The following SNX24 variants were observed in gnomAD, a reference collection of about 807,000 sequenced individuals.
SNX24 encodes the protein sorting nexin-24.
Under a neutral mutation model 28.7 loss-of-function variants are expected in SNX24, and 22 were observed. The ratio of observed to expected loss-of-function variants is 0.77; its 90% CI spans 0.55 to 1.10. The LOEUF is 1.10. Among genes scored for constraint, SNX24 ranks in the 50% least tolerant of loss-of-function variants. The probability of loss-of-function intolerance (pLI) is 0.00; values close to 1 mark genes in which losing one functional copy is unlikely to be tolerated. For synonymous variants in SNX24, 69 were observed against 71.5 expected (o/e 0.96, Z 0.18); for missense variants, 221 against 201.1 (o/e 1.10, Z -0.60).
intron 1 of SNX24, among the ~76,000 whole-genome samples, chr5:122,896,384 C>G (rs2054298989): frequency 6.6e-6 from 1 of 152,116 alleles, no homozygotes; most frequent in South Asian, 2.1e-4. Flanking sequence ...TTCAATTTTG[C>G]CAACAGACAG....
chr5:123,001,378 G>GT (rs372646511), intron 4 of SNX24, 27 bp from the exon 5 acceptor site: 13 of 1,550,204 alleles, frequency 8.4e-6, no homozygotes, highest in African/African-American at 2.7e-5. Flanking sequence ...TGGTTTTTTT[G>GT]TTTTTTTCCT....
At chr5:122,919,447 G>A (rs1178478765) in intron 1 of SNX24, among the ~76,000 whole-genome samples, 3 of 152,170 alleles carry the variant, frequency 2.0e-5, no homozygotes, top group Non-Finnish European at 4.4e-5. Context: ...TTTAAAAAAA[G>A]TACAAAACTC....
chr5:122,998,875 G>C (rs1762142836), intron 3 of SNX24, among the ~76,000 whole-genome samples: 1 of 152,118 alleles, frequency 6.6e-6, no homozygotes, highest in Admixed American at 6.5e-5. Flanking sequence ...CAGTATTCCT[G>C]ATCAGTTGTG....
chr5:122,855,489 G>A (rs998345454), intron 1 of SNX24, among the ~76,000 whole-genome samples: 1 of 152,138 alleles, frequency 6.6e-6, no homozygotes, highest in Admixed American at 6.5e-5. Context: ...TTCCAAAATT[G>A]GTTTCAGGTG....
chr5:122,947,394 A>C (rs1759733352), intron 3 of SNX24, among the ~76,000 whole-genome samples: 1 of 152,172 alleles, frequency 6.6e-6, no homozygotes, highest in Non-Finnish European at 1.5e-5. Context: ...CTCAGTAGAA[A>C]GATGCCAGAA....
chr5:122,962,078 C>T (rs1006733601), intron 3 of SNX24, among the ~76,000 whole-genome samples: 2 of 152,136 alleles, frequency 1.3e-5, no homozygotes, highest in Non-Finnish European at 2.9e-5. Context: ...CTTAGAACAA[C>T]GTATGGCATT....
chr5:122,894,575 G>C (rs918828886), intron 1 of SNX24, among the ~76,000 whole-genome samples: 3 of 152,082 alleles, frequency 2.0e-5, no homozygotes, highest in African/African-American at 7.2e-5. Flanking sequence ...TTGTTTTTCA[G>C]CGTTTTTCTC....
At chr5:123,016,493 A>AT (rs1196634484) in intron 5 of SNX24, among the ~76,000 whole-genome samples, 3 of 152,204 alleles carry the variant, frequency 2.0e-5, no homozygotes, top group Non-Finnish European at 4.4e-5. Flanking sequence ...AGGGTAATGT[A>AT]TATAATGGCT....
At chr5:122,917,595 A>G (rs1302106110) in intron 1 of SNX24, among the ~76,000 whole-genome samples, 3 of 152,156 alleles carry the variant, frequency 2.0e-5, no homozygotes, top group Non-Finnish European at 4.4e-5. Context: ...GTTTGCAGCT[A>G]TATCTTCAAA....
chr5:122,915,651 A>G (rs183806482), intron 1 of SNX24, among the ~76,000 whole-genome samples: 1 of 152,196 alleles, frequency 6.6e-6, no homozygotes, highest in East Asian at 1.9e-4. Context: ...TTTTTTTCAT[A>G]GTGCACATCT....
At chr5:122,880,172 G>A (rs1231944463) in intron 1 of SNX24, among the ~76,000 whole-genome samples, 1 of 152,152 alleles carries the variant, frequency 6.6e-6, no homozygotes, top group African/African-American at 2.4e-5. Context: ...ATTATCCTTA[G>A]GAGCTGCCTT....
At chr5:123,023,758 A>C in intron 5 of SNX24, 1 of 1,400,352 alleles carries the variant, frequency 7.1e-7, no homozygotes, top group Non-Finnish European at 9.4e-7. Flanking sequence ...CTGGGATAGA[A>C]TACAAAAAGA....
At chr5:122,962,446 G>T (rs1760523151) in intron 3 of SNX24, among the ~76,000 whole-genome samples, 1 of 152,174 alleles carries the variant, frequency 6.6e-6, no homozygotes, top group South Asian at 2.1e-4. Context: ...AATTTTTAGT[G>T]CAGAGCAGTG....
chr5:122,968,105 C>T (rs1760792904), intron 3 of SNX24, among the ~76,000 whole-genome samples: 1 of 152,164 alleles, frequency 6.6e-6, no homozygotes, highest in Non-Finnish European at 1.5e-5. Flanking sequence ...TCCCTTAAAA[C>T]TTGATTGGGA....
intron 1 of SNX24, among the ~76,000 whole-genome samples, chr5:122,886,570 T>A (rs1418491255): frequency 6.6e-6 from 1 of 152,098 alleles, no homozygotes; most frequent in South Asian, 2.1e-4. Flanking sequence ...ATCCCAGCAC[T>A]TTGGGAGGCC....
intron 1 of SNX24, chr5:122,891,122 T>G: frequency 2.0e-6 from 3 of 1,503,064 alleles, no homozygotes; most frequent in Non-Finnish European, 2.7e-6. Context: ...GACTTACATA[T>G]CAGGTATTTT....
intron 5 of SNX24, among the ~76,000 whole-genome samples, chr5:123,024,219 C>A (rs1164298978): frequency 6.6e-6 from 1 of 152,190 alleles, no homozygotes; most frequent in Non-Finnish European, 1.5e-5. Flanking sequence ...AAAATTCACC[C>A]ATGACCTTCT....
At chr5:123,021,153 G>A (rs1005263309) in intron 5 of SNX24, among the ~76,000 whole-genome samples, 5 of 116,700 alleles carry the variant, frequency 4.3e-5, no homozygotes, top group African/African-American at 1.0e-4. Context: ...TTCAGTCCCC[G>A]CTGACCACCC....
intron 6 of SNX24, among the ~76,000 whole-genome samples, chr5:123,002,833 A>G (rs758715680): frequency 2.1e-4 from 32 of 152,192 alleles, no homozygotes; most frequent in Non-Finnish European, 4.1e-4. Context: ...TCTGTTATGC[A>G]TCTCTTTATG....
Sources: gnomAD v4.1 joint callset for allele counts (sites outside exome capture counted in the v4.1 genomes callset) on GRCh38, gnomAD v4.1.1 for gene constraint, MANE v1.5 for transcripts, NCBI Gene and HGNC (gene_info 2026-07-23, HGNC 2026-07-21) for gene names.